GUCY1A2: variants seen among roughly 807,000 people sequenced by gnomAD.
GUCY1A2 encodes guanylate cyclase 1 soluble subunit alpha 2.
GUCY1A2 carries 27 observed loss-of-function variants against 63.5 expected under a neutral mutation model. That is an observed-to-expected ratio of 0.43 (90% CI 0.31 to 0.59). The LOEUF (loss-of-function observed/expected upper bound fraction) is 0.59, where lower values mean the gene tolerates loss of function less well. GUCY1A2 is among the 20% of genes least tolerant of loss of function. The pLI is 0.11. For missense variants in GUCY1A2, 768 were observed against 913.3 expected (o/e 0.84, Z 2.05); for synonymous variants, 364 against 343.5 (o/e 1.06, Z -0.66).
At chr11:106,753,467 A>C (rs975452544) in intron 6 of GUCY1A2, among the ~76,000 whole-genome samples, 7 of 152,162 alleles carry the variant, frequency 4.6e-5, no homozygotes, top group African/African-American at 1.7e-4. Flanking sequence ...GGTATTGCCT[A>C]GGTTTTCTTC....
chr11:106,825,914 T>C (rs1858963101), intron 4 of GUCY1A2, among the ~76,000 whole-genome samples: 1 of 152,108 alleles, frequency 6.6e-6, no homozygotes, highest in Admixed American at 6.5e-5. Context: ...AGAAGTACAA[T>C]TCAACAAAAA....
At chr11:106,833,092 A>C (rs1224757865) in intron 4 of GUCY1A2, among the ~76,000 whole-genome samples, 3 of 151,952 alleles carry the variant, frequency 2.0e-5, no homozygotes, top group African/African-American at 7.3e-5. Context: ...CAGCAGCATA[A>C]CTCTAATTTA....
At chr11:106,749,312 A>AATGTATT (rs1246342700) in intron 6 of GUCY1A2, among the ~76,000 whole-genome samples, 1 of 152,080 alleles carries the variant, frequency 6.6e-6, no homozygotes, top group Non-Finnish European at 1.5e-5. Flanking sequence ...TAATGTATGT[A>AATGTATT]TTGTCCACAA....
intron 6 of GUCY1A2, among the ~76,000 whole-genome samples, chr11:106,748,016 T>C (rs1306744890): frequency 1.3e-5 from 2 of 152,198 alleles, no homozygotes; most frequent in Non-Finnish European, 2.9e-5. Context: ...GCAAAGCTCA[T>C]AGAAACTTGA....
intron 4 of GUCY1A2, among the ~76,000 whole-genome samples, chr11:106,915,185 A>C (rs937736593): frequency 1.3e-5 from 2 of 152,138 alleles, no homozygotes; most frequent in Non-Finnish European, 2.9e-5. Context: ...AGAAAGAATG[A>C]AGGTAAAATA....
intron 4 of GUCY1A2, among the ~76,000 whole-genome samples, chr11:106,870,056 G>T (rs1432987087): frequency 7.1e-6 from 1 of 141,784 alleles, no homozygotes; most frequent in Non-Finnish European, 1.5e-5. Context: ...AATGAAAAAT[G>T]AGAACTCTTG....
intron 4 of GUCY1A2, among the ~76,000 whole-genome samples, chr11:106,863,513 C>G (rs1389313499): frequency 6.6e-6 from 1 of 152,082 alleles, no homozygotes; most frequent in Non-Finnish European, 1.5e-5. Context: ...TGTTTTGGTA[C>G]CAGTACCATG....
intron 6 of GUCY1A2, among the ~76,000 whole-genome samples, chr11:106,727,549 C>G (rs1002380217): frequency 3.3e-5 from 5 of 152,120 alleles, no homozygotes; most frequent in African/African-American, 1.2e-4. Context: ...AATTTTCAAT[C>G]TACTAAACAC....
intron 4 of GUCY1A2, among the ~76,000 whole-genome samples, chr11:106,900,762 T>C (rs894528656): frequency 2.6e-5 from 4 of 152,202 alleles, no homozygotes; most frequent in Non-Finnish European, 5.9e-5. Context: ...CACTATACTG[T>C]AGTCTATTAA....
chr11:106,768,537 G>A (rs1864202123), intron 6 of GUCY1A2, among the ~76,000 whole-genome samples: 1 of 151,934 alleles, frequency 6.6e-6, no homozygotes, highest in Admixed American at 6.6e-5. Context: ...TATATTAGAA[G>A]CTCTGGTTAA....
chr11:106,700,153 A>G (rs1862794816), intron 7 of GUCY1A2, among the ~76,000 whole-genome samples: 1 of 152,176 alleles, frequency 6.6e-6, no homozygotes, highest in Non-Finnish European at 1.5e-5. Context: ...TGATTCTTAC[A>G]AATTTTAGCA....
chr11:106,873,564 C>CT (rs931154165), intron 4 of GUCY1A2, among the ~76,000 whole-genome samples: 4 of 152,068 alleles, frequency 2.6e-5, no homozygotes, highest in Non-Finnish European at 4.4e-5. Context: ...ACGTACATGT[C>CT]TTTTTTTGAG....
chr11:106,951,410 C>T lies in GUCY1A2; in HGVS notation c.488-11232G>A, dbSNP rs1187898844. 2.6e-5 allele frequency among the ~76,000 whole-genome samples: 4 copies of T among 152,150 alleles called. No individual in the cohort carries two copies. In the East Asian group the frequency reaches 7.7e-4, roughly 29 times the overall value. ...ACAGCCTCGCCAGCATCTACTATTCCCTGACTTTTTAATAATCACCATTCT... is the reference window on the plus strand; with the variant it reads ...ACAGCCTCGCCAGCATCTACTATTCTCTGACTTTTTAATAATCACCATTCT... On this transcript the variant is annotated intron_variant, in intron 3 of 7. Transcript: ENST00000526355.
intron 4 of GUCY1A2, among the ~76,000 whole-genome samples, chr11:106,889,574 A>C (rs1454924578): frequency 2.0e-5 from 3 of 152,226 alleles, no homozygotes; most frequent in African/African-American, 7.2e-5. Flanking sequence ...GAAATTTCAG[A>C]GCAAAGATAA....
intron 4 of GUCY1A2, among the ~76,000 whole-genome samples, chr11:106,844,266 C>A (rs1051752807): frequency 6.6e-6 from 1 of 151,790 alleles, no homozygotes; most frequent in African/African-American, 2.4e-5. Flanking sequence ...TATATGATTT[C>A]TCTAAAACTT....
At chr11:106,789,086 C>A (rs751090888) in intron 5 of GUCY1A2, among the ~76,000 whole-genome samples, 2 of 151,884 alleles carry the variant, frequency 1.3e-5, no homozygotes. Flanking sequence ...AATATATTTC[C>A]ATTTTTTGTG....
intron 4 of GUCY1A2, among the ~76,000 whole-genome samples, chr11:106,919,882 AAAGT>A (rs1247609849): frequency 2.0e-5 from 3 of 152,086 alleles, no homozygotes; most frequent in African/African-American, 7.2e-5. Context: ...TTATCTACCA[AAAGT>A]AAGTGAGTTA....
At chr11:106,934,044 T>C (rs1031788749) in intron 4 of GUCY1A2, among the ~76,000 whole-genome samples, 19 of 152,106 alleles carry the variant, frequency 1.2e-4, no homozygotes, top group African/African-American at 4.6e-4. Flanking sequence ...CTCAGCATCA[T>C]GCAATATACC....
chr11:106,736,531 T>A (rs1863592427), intron 6 of GUCY1A2, among the ~76,000 whole-genome samples: 1 of 152,212 alleles, frequency 6.6e-6, no homozygotes. Flanking sequence ...TTGGTTACCA[T>A]AGCTCTGTAG....
Sources: allele counts gnomAD v4.1 joint callset (sites outside exome capture counted in the v4.1 genomes callset), GRCh38; gene constraint gnomAD v4.1.1; transcripts MANE v1.5; gene names NCBI Gene and HGNC (gene_info 2026-07-23, HGNC 2026-07-21).